The following TESK2 variants were observed in gnomAD, a reference collection of about 807,000 sequenced individuals.
TESK2 encodes the protein dual specificity testis-specific protein kinase 2.
Under a neutral mutation model 57.1 loss-of-function variants are expected in TESK2, and 39 were observed. That is an observed-to-expected ratio of 0.68 (90% CI 0.53 to 0.89). The LOEUF (loss-of-function observed/expected upper bound fraction) is 0.89. Ranked by LOEUF, TESK2 falls within the 40% of genes least tolerant of loss-of-function variation. The pLI, the probability that TESK2 is intolerant of heterozygous loss-of-function variation, is 0.00. For synonymous variants in TESK2, 249 were observed against 267.9 expected (o/e 0.93, Z 0.69); for missense variants, 646 against 732.1 (o/e 0.88, Z 1.36).
chr1:45,419,263 G>A (rs921916698), intron 3 of TESK2, among the ~76,000 whole-genome samples: 4 of 151,966 alleles, frequency 2.6e-5, no homozygotes, highest in Non-Finnish European at 4.4e-5. Context: ...GGCGTGAGCC[G>A]TCACGCCCAG....
intron 2 of TESK2, among the ~76,000 whole-genome samples, chr1:45,438,320 AC>A (rs1460700388): frequency 2.6e-5 from 4 of 152,058 alleles, no homozygotes; most frequent in Non-Finnish European, 5.9e-5. Context: ...ACATGGTGAA[AC>A]CCCATCTCTA....
chr1:45,358,767 T>G lies in TESK2; in HGVS notation c.394-3318A>C, dbSNP rs78334733. ...AAATGACTACATACTATTACTCATT[T>G]TAGAGAAGGCATTTAGAAATTAAGC... On this transcript the variant is annotated intron_variant, in intron 4 of 10. Transcript: ENST00000372086. 2.9e-3 allele frequency among the ~76,000 whole-genome samples: 435 copies of G among 152,304 alleles called. 5 individuals are homozygous for G. Among genetic ancestry groups the G allele is most frequent in the African/African-American group, 9.8e-3 (406 of 41,562 alleles).
At chr1:45,433,181 T>A (rs1337118457) in intron 2 of TESK2, among the ~76,000 whole-genome samples, 1 of 150,744 alleles carries the variant, frequency 6.6e-6, no homozygotes, top group African/African-American at 2.4e-5. Flanking sequence ...TTCAAGCGAT[T>A]CTTGTACCTC....
chr1:45,366,227 C>T (rs758387380), intron 4 of TESK2, among the ~76,000 whole-genome samples: 8 of 152,126 alleles, frequency 5.3e-5, no homozygotes, highest in Non-Finnish European at 1.0e-4. Flanking sequence ...ACTGGGATTA[C>T]AGGCATGGAC....
At chr1:45,351,333 C>G (rs557798065) in intron 5 of TESK2, among the ~76,000 whole-genome samples, 1 of 152,252 alleles carries the variant, frequency 6.6e-6, no homozygotes, top group Non-Finnish European at 1.5e-5. Context: ...AAGTTCTTGG[C>G]CTTGCCACTG....
chr1:45,454,724 A>G (rs952249876), intron 2 of TESK2, among the ~76,000 whole-genome samples: 3 of 152,178 alleles, frequency 2.0e-5, no homozygotes, highest in Admixed American at 6.6e-5. Context: ...CAATATCCAT[A>G]GCAGCATTAG....
At chr1:45,442,115 T>C (rs991484677) in intron 2 of TESK2, among the ~76,000 whole-genome samples, 3 of 152,062 alleles carry the variant, frequency 2.0e-5, no homozygotes, top group Admixed American at 1.3e-4. Context: ...TCTGTATTTT[T>C]AGTAGAGATG....
At chr1:45,379,257 C>T (rs1162251892) in intron 4 of TESK2, among the ~76,000 whole-genome samples, 11 of 152,170 alleles carry the variant, frequency 7.2e-5, no homozygotes, top group Admixed American at 7.2e-4. Flanking sequence ...CCTTGCCCTC[C>T]TGGGCTCAAG....
intron 3 of TESK2, among the ~76,000 whole-genome samples, chr1:45,405,846 C>T (rs1484893513): frequency 6.6e-6 from 1 of 151,198 alleles, no homozygotes; most frequent in African/African-American, 2.4e-5. Context: ...TGCACTCCAG[C>T]CTGGGCAACA....
At chr1:45,380,422 C>T (rs1286574375) in intron 4 of TESK2, among the ~76,000 whole-genome samples, 1 of 151,558 alleles carries the variant, frequency 6.6e-6, no homozygotes, top group Non-Finnish European at 1.5e-5. Context: ...TTCTCTGTGC[C>T]TTTCTTAACA....
At chr1:45,425,394 T>A (rs1448607868) in intron 2 of TESK2, among the ~76,000 whole-genome samples, 1 of 152,206 alleles carries the variant, frequency 6.6e-6, no homozygotes, top group Non-Finnish European at 1.5e-5. Context: ...GGTTCACGCC[T>A]GTAATCCCAA....
chr1:45,469,509 C>G lies in TESK2; in HGVS notation c.-86-11638G>C, dbSNP rs569735342. Among the ~76,000 whole-genome samples the G allele has an allele frequency of 2.3e-4, 35 of 152,292 alleles. No individual in the cohort carries two copies. In the East Asian group the frequency reaches 6.2e-3, roughly 27 times the overall value. On this transcript the variant is annotated intron_variant, in intron 1 of 10. Coordinates refer to ENST00000372086, the MANE Select transcript of TESK2 (RefSeq NM_007170.3). ...AACTAGTGAGACTCAGGATTCAAATCTAGTAGTTTCAAACCTAAGCACTTC... is the reference window on the plus strand; with the variant it reads ...AACTAGTGAGACTCAGGATTCAAATGTAGTAGTTTCAAACCTAAGCACTTC...
intron 2 of TESK2, among the ~76,000 whole-genome samples, chr1:45,444,813 G>A (rs1429096473): frequency 1.3e-5 from 2 of 152,154 alleles, no homozygotes; most frequent in Non-Finnish European, 2.9e-5. Context: ...AGCTAACTAT[G>A]GGAGGAATTT....
At chr1:45,481,946 G>C (rs922874523) in intron 1 of TESK2, among the ~76,000 whole-genome samples, 1 of 152,164 alleles carries the variant, frequency 6.6e-6, no homozygotes, top group Non-Finnish European at 1.5e-5. Flanking sequence ...ATTGACTATA[G>C]TATATACTGT....
At chr1:45,438,320 A>G (rs1201577678) in intron 2 of TESK2, among the ~76,000 whole-genome samples, 2 of 152,058 alleles carry the variant, frequency 1.3e-5, no homozygotes, top group Non-Finnish European at 2.9e-5. Context: ...ACATGGTGAA[A>G]CCCCATCTCT....
At chr1:45,353,237 G>A (rs2149264392) in intron 5 of TESK2, among the ~76,000 whole-genome samples, 1 of 152,258 alleles carries the variant, frequency 6.6e-6, no homozygotes, top group South Asian at 2.1e-4. Context: ...ACATTCTGGG[G>A]GAGAAGAAAT....
chr1:45,440,083 C>G (rs1211979259), intron 2 of TESK2, among the ~76,000 whole-genome samples: 1 of 151,906 alleles, frequency 6.6e-6, no homozygotes, highest in Non-Finnish European at 1.5e-5. Flanking sequence ...TCCGGAGTAG[C>G]TGGAATTACA....
chr1:45,388,517 G>A (rs574907538), intron 3 of TESK2, among the ~76,000 whole-genome samples: 19 of 152,172 alleles, frequency 1.2e-4, no homozygotes, highest in Non-Finnish European at 2.6e-4. Flanking sequence ...CATAGATATG[G>A]TATTATCTAT....
At chr1:45,472,223 G>A (rs1337623084) in intron 1 of TESK2, among the ~76,000 whole-genome samples, 2 of 144,580 alleles carry the variant, frequency 1.4e-5, no homozygotes, top group African/African-American at 5.2e-5. Context: ...CTGTACTCCA[G>A]CCTGGGCGAC....
Sources: allele counts gnomAD v4.1 joint callset (sites outside exome capture counted in the v4.1 genomes callset), GRCh38; gene constraint gnomAD v4.1.1; transcripts MANE v1.5; gene names NCBI Gene and HGNC (gene_info 2026-07-23, HGNC 2026-07-21).